SLC25A48: variants seen among roughly 807,000 people sequenced by gnomAD.
The protein encoded by SLC25A48 is solute carrier family 25 member 48.
In SLC25A48, 29 loss-of-function variants were observed where a neutral mutation model predicts 32.2. The ratio of observed to expected loss-of-function variants is 0.90; its 90% CI spans 0.67 to 1.23. The LOEUF (loss-of-function observed/expected upper bound fraction) is 1.23. SLC25A48 is among the 50% of genes most tolerant of loss of function. The pLI is 0.00. For synonymous variants in SLC25A48, 164 were observed against 172.3 expected, an observed-to-expected ratio of 0.95 and a Z score of 0.38; for missense variants, 399 against 422.7, an observed-to-expected ratio of 0.94 and a Z score of 0.49.
chr5:135,636,155 A>G (rs1045504536), intron 3 of SLC25A48, among the ~76,000 whole-genome samples: 1 of 152,228 alleles, frequency 6.6e-6, no homozygotes, highest in Non-Finnish European at 1.5e-5. Context: ...GCCCACATAT[A>G]GGTTACTCCA....
chr5:135,855,609 G>T (rs1760248298), intron 4 of SLC25A48, among the ~76,000 whole-genome samples: 1 of 152,176 alleles, frequency 6.6e-6, no homozygotes. Context: ...AGTACCCAGT[G>T]CAAAATGCTA....
intron 3 of SLC25A48, among the ~76,000 whole-genome samples, chr5:135,785,155 C>T (rs1241182918): frequency 2.6e-5 from 4 of 152,026 alleles, no homozygotes; most frequent in Admixed American, 6.6e-5. Flanking sequence ...TCAGATTGTT[C>T]GTAATATGTA....
chr5:135,591,054 T>C (rs917525), intron 1 of SLC25A48, among the ~76,000 whole-genome samples: 12,218 of 152,298 alleles, frequency 0.08, 503 homozygotes, highest in South Asian at 0.15. Context: ...GGTAGGAGCC[T>C]CCAGGGTATC....
intron 3 of SLC25A48, among the ~76,000 whole-genome samples, chr5:135,805,478 G>A (rs528037312): frequency 9.9e-5 from 15 of 150,988 alleles, no homozygotes; most frequent in South Asian, 4.2e-4. Context: ...AAAATTATTC[G>A]TAACAACCCA....
At chr5:135,608,847 T>G (rs1303531286) in intron 1 of SLC25A48, among the ~76,000 whole-genome samples, 1 of 152,158 alleles carries the variant, frequency 6.6e-6, no homozygotes. Context: ...AGAGGGATAG[T>G]GTGTGTCCTT....
At chr5:135,838,713 T>C (rs1413754944) in intron 1 of SLC25A48, among the ~76,000 whole-genome samples, 1 of 152,256 alleles carries the variant, frequency 6.6e-6, no homozygotes, top group African/African-American at 2.4e-5. Context: ...GCCCCAAGCC[T>C]TGGCAGCTTA....
In SLC25A48 at chr5:135,834,819, C is replaced by G. The variant is rs1463388790; in HGVS notation, c.-29C>G. The G allele has an allele frequency of 6.3e-7, 1 of 1,575,624 alleles. No individual in the cohort carries two copies. Among genetic ancestry groups the G allele is most frequent in the African/African-American group, 1.3e-5 (1 of 74,554 alleles). On this transcript the variant is annotated 5_prime_UTR_variant, in exon 1 of 8. Transcript: ENST00000681962. ...TGACTCTAAGTGGGCACTGCCCCGG[C>G]TCCGGGAGGGCGAGACCGAGCGCCG... is the stretch of plus-strand genomic sequence containing the variant.
chr5:135,786,431 T>G (rs899827561), intron 3 of SLC25A48, among the ~76,000 whole-genome samples: 1 of 152,138 alleles, frequency 6.6e-6, no homozygotes, highest in East Asian at 1.9e-4. Flanking sequence ...TCTGTGATAT[T>G]GTTTGTAATG....
At chr5:135,581,175 A>C (rs1751225245) in intron 1 of SLC25A48, among the ~76,000 whole-genome samples, 1 of 152,240 alleles carries the variant, frequency 6.6e-6, no homozygotes, top group African/African-American at 2.4e-5. Context: ...TAAGTGTTTG[A>C]TATGTGCTGA....
At chr5:135,723,380 T>TCTCTCACACA (rs1356362581) in intron 3 of SLC25A48, among the ~76,000 whole-genome samples, 18 of 111,712 alleles carry the variant, frequency 1.6e-4, no homozygotes, top group African/African-American at 6.1e-4. Context: ...TCTCTCTCTC[T>TCTCTCACACA]CACACACACA....
intron 3 of SLC25A48, among the ~76,000 whole-genome samples, chr5:135,764,820 G>A (rs1412015706): frequency 3.3e-5 from 5 of 150,516 alleles, no homozygotes; most frequent in Non-Finnish European, 5.9e-5. Context: ...ATCACGGGGG[G>A]TGTGAGATGG....
chr5:135,602,863 A>C (rs1001156044), intron 1 of SLC25A48, among the ~76,000 whole-genome samples: 12 of 152,048 alleles, frequency 7.9e-5, no homozygotes, highest in Non-Finnish European at 1.6e-4. Flanking sequence ...AACACCTTGC[A>C]TGTAGTTTTT....
chr5:135,656,803 C>G (rs1753262735), intron 3 of SLC25A48, among the ~76,000 whole-genome samples: 1 of 152,136 alleles, frequency 6.6e-6, no homozygotes, highest in Non-Finnish European at 1.5e-5. Context: ...ACGCCTGGGA[C>G]TGCCACTGCC....
At chr5:135,766,640 C>A (rs746108270) in intron 3 of SLC25A48, among the ~76,000 whole-genome samples, 1 of 146,070 alleles carries the variant, frequency 6.8e-6, no homozygotes, top group Admixed American at 6.9e-5. Context: ...TTCATAATAT[C>A]CATGGGGGAG....
chr5:135,639,879 A>G (rs1173181714), intron 3 of SLC25A48, among the ~76,000 whole-genome samples: 2 of 152,248 alleles, frequency 1.3e-5, no homozygotes, highest in Non-Finnish European at 2.9e-5. Flanking sequence ...AACAGTGGGA[A>G]CAGTGTGAGG....
chr5:135,798,422 T>C (rs983397661), intron 3 of SLC25A48, among the ~76,000 whole-genome samples: 1 of 151,712 alleles, frequency 6.6e-6, no homozygotes, highest in Non-Finnish European at 1.5e-5. Flanking sequence ...TTGTTTGTAA[T>C]ATCCAGAAGG....
chr5:135,871,180 G>C (rs1936259643), intron 4 of SLC25A48, among the ~76,000 whole-genome samples: 1 of 151,852 alleles, frequency 6.6e-6, no homozygotes, highest in African/African-American at 2.4e-5. Flanking sequence ...TAGACATTCT[G>C]AAGTCACATT....
At chr5:135,792,210 C>A (rs10061012) in intron 3 of SLC25A48, among the ~76,000 whole-genome samples, 2 of 151,248 alleles carry the variant, frequency 1.3e-5, no homozygotes, top group African/African-American at 4.9e-5. Flanking sequence ...TATGTTATTC[C>A]TAATAACCTT....
At chr5:135,729,625 TG>T (rs1035688196) in intron 3 of SLC25A48, among the ~76,000 whole-genome samples, 1 of 152,192 alleles carries the variant, frequency 6.6e-6, no homozygotes, top group African/African-American at 2.4e-5. Flanking sequence ...CAGTTTTAAA[TG>T]ATCATTAATG....
Sources: allele counts gnomAD v4.1 joint callset (sites outside exome capture counted in the v4.1 genomes callset), GRCh38; gene constraint gnomAD v4.1.1; transcripts MANE v1.5; gene names NCBI Gene and HGNC (gene_info 2026-07-23, HGNC 2026-07-21).